Variants in TLE4 observed in about 807,000 individuals in gnomAD.
TLE4 encodes transducin-like enhancer protein 4.
A neutral mutation model predicts 92.8 loss-of-function variants in TLE4; 8 were observed. That is an observed-to-expected ratio of 0.09 (90% CI 0.05 to 0.16). The LOEUF is 0.16. Ranked by LOEUF, TLE4 falls within the 10% of genes least tolerant of loss-of-function variation. TLE4 has a pLI of 1.00. For synonymous variants in TLE4, 371 were observed against 374.1 expected (o/e 0.99, Z 0.10); for missense variants, 675 against 997.6 (o/e 0.68, Z 4.36).
intron 8 of TLE4, among the ~76,000 whole-genome samples, chr9:79,689,624 G>A (rs957819317): frequency 1.3e-5 from 2 of 152,148 alleles, no homozygotes; most frequent in African/African-American, 4.8e-5. Context: ...TTATGATTGC[G>A]TTTTTTCTCT....
At chr9:79,688,421 A>G (rs79163730) in intron 8 of TLE4, among the ~76,000 whole-genome samples, 3,630 of 152,190 alleles carry the variant, frequency 0.024, 149 homozygotes, top group African/African-American at 0.082. Context: ...GTTCTTGGGC[A>G]CTTAATTATA....
intron 6 of TLE4, among the ~76,000 whole-genome samples, chr9:79,652,169 C>G (rs1047922426): frequency 6.6e-6 from 1 of 151,880 alleles, no homozygotes; most frequent in African/African-American, 2.4e-5. Context: ...GTAAATCTTA[C>G]GTAGGTGTTG....
At chr9:79,635,067 C>T (rs896527855) in intron 6 of TLE4, among the ~76,000 whole-genome samples, 1 of 152,154 alleles carries the variant, frequency 6.6e-6, no homozygotes, top group African/African-American at 2.4e-5. Context: ...AGTGATTCTA[C>T]TATTTTGCAG....
intron 9 of TLE4, among the ~76,000 whole-genome samples, chr9:79,705,455 G>C (rs1049685257): frequency 1.3e-5 from 2 of 152,198 alleles, no homozygotes; most frequent in Non-Finnish European, 2.9e-5. Context: ...TTCCCTGCTG[G>C]TGTCCTACAG....
intron 14 of TLE4, among the ~76,000 whole-genome samples, chr9:79,710,673 A>C (rs549122938): frequency 6.6e-6 from 1 of 152,108 alleles, no homozygotes; most frequent in South Asian, 2.1e-4. Context: ...TTAGTGTCTC[A>C]TTTAGTTATC....
chr9:79,690,779 CTTTT>C (rs35528090), intron 8 of TLE4, among the ~76,000 whole-genome samples: 55 of 54,144 alleles, frequency 1.0e-3, no homozygotes, highest in African/African-American at 3.0e-3. Flanking sequence ...CCACTCCTGG[CTTTT>C]TTTTTTTTTT....
intron 6 of TLE4, among the ~76,000 whole-genome samples, chr9:79,637,804 CAATT>C (rs1295367834): frequency 3.3e-5 from 5 of 151,976 alleles, no homozygotes; most frequent in African/African-American, 1.2e-4. Context: ...ATTGGGCTGT[CAATT>C]AAATGCCTGA....
chr9:79,587,151 A>AAATG (rs1297751947), intron 4 of TLE4, among the ~76,000 whole-genome samples: 2 of 152,250 alleles, frequency 1.3e-5, no homozygotes, highest in South Asian at 4.1e-4. Context: ...ATAGTAGAAG[A>AAATG]AATGAATGAA....
rs371256807 is a variant in TLE4 at position 79,596,137 on chromosome 9, C to T, written c.253-16519C>T. On this transcript the variant is annotated intron_variant, in intron 4 of 19. Transcript: ENST00000376552. ...CTGGGATTACAGGCGTGAGGAACCGCGCCCGGCCGTTTAGTATCTACTTAA... is the reference window on the plus strand; with the variant it reads ...CTGGGATTACAGGCGTGAGGAACCGTGCCCGGCCGTTTAGTATCTACTTAA... Among the ~76,000 whole-genome samples the T allele has an allele frequency of 2.0e-4, 30 of 152,246 alleles. No individual in the cohort carries two copies. The East Asian group carries it at 2.1e-3, about 11-fold the overall frequency.
chr9:79,661,937 T>C (rs1309493652), intron 8 of TLE4, among the ~76,000 whole-genome samples: 2 of 152,186 alleles, frequency 1.3e-5, no homozygotes, highest in Non-Finnish European at 2.9e-5. Context: ...ACCCCTGGGT[T>C]CAGTTTTGCC....
chr9:79,675,376 C>T (rs773450195), intron 8 of TLE4, among the ~76,000 whole-genome samples: 9 of 151,846 alleles, frequency 5.9e-5, no homozygotes, highest in Non-Finnish European at 1.3e-4. Flanking sequence ...GATTCCAGTG[C>T]TATATCAAAT....
intron 7 of TLE4, 22 bp downstream of exon 7, chr9:79,652,816 C>T (rs777308773): frequency 2.9e-5 from 46 of 1,609,870 alleles, no homozygotes; most frequent in South Asian, 5.5e-5. Context: ...TCTTGGAATG[C>T]CAATCTGAGA....
At chr9:79,593,003 TTTC>T (rs1245085193) in intron 4 of TLE4, among the ~76,000 whole-genome samples, 1 of 152,238 alleles carries the variant, frequency 6.6e-6, no homozygotes, top group Non-Finnish European at 1.5e-5. Context: ...TGTGGTTAAT[TTTC>T]TTCTTTTTTT....
At chr9:79,657,461 A>G (rs1253937424) in intron 8 of TLE4, among the ~76,000 whole-genome samples, 8 of 152,074 alleles carry the variant, frequency 5.3e-5, no homozygotes, top group Admixed American at 5.2e-4. Context: ...ACCCCCTCTC[A>G]TTGAGGGCTG....
At chr9:79,651,414 G>A (rs1346438779) in intron 6 of TLE4, among the ~76,000 whole-genome samples, 8 of 152,210 alleles carry the variant, frequency 5.3e-5, no homozygotes, top group Non-Finnish European at 1.2e-4. Context: ...CTGAGGTCAA[G>A]CACACCCATT....
At chr9:79,660,536 C>T (rs1202400502) in intron 8 of TLE4, among the ~76,000 whole-genome samples, 1 of 152,102 alleles carries the variant, frequency 6.6e-6, no homozygotes, top group Non-Finnish European at 1.5e-5. Flanking sequence ...AGTGTTTTAG[C>T]ATTGCTATTG....
rs562649835 is a variant in TLE4, at chr9:79,672,354, C to T, written c.609+18279C>T. On this transcript the variant is annotated intron_variant, in intron 8 of 19. Coordinates refer to ENST00000376552, the MANE Select transcript of TLE4 (RefSeq NM_007005.6). ...ACATGGCCAAGTTTCCCACTGTGGG[C>T]GGGCAGTGAGGGGCCCCTGAGCAGA... Among the ~76,000 whole-genome samples, 7 of 152,168 alleles carry T rather than the reference C, an allele frequency of 4.6e-5. No individual in the cohort carries two copies. In the South Asian group the frequency reaches 1.5e-3, roughly 32 times the overall value.
chr9:79,578,627 C>G (rs780174997), intron 4 of TLE4, among the ~76,000 whole-genome samples: 1 of 152,084 alleles, frequency 6.6e-6, no homozygotes, highest in Non-Finnish European at 1.5e-5. Flanking sequence ...TGATAGAGAA[C>G]TATAAAATGA....
chr9:79,620,589 TG>T (rs1232412797), intron 5 of TLE4, among the ~76,000 whole-genome samples: 8 of 152,228 alleles, frequency 5.3e-5, no homozygotes, highest in Non-Finnish European at 1.0e-4. Flanking sequence ...TTTGTGGTGC[TG>T]AGATAACCTG....
Sources: allele counts gnomAD v4.1 joint callset (sites outside exome capture counted in the v4.1 genomes callset), GRCh38; gene constraint gnomAD v4.1.1; transcripts MANE v1.5; gene names NCBI Gene and HGNC (gene_info 2026-07-23, HGNC 2026-07-21).